Variants in SPECC1 observed in about 807,000 individuals in gnomAD.
SPECC1 encodes the protein cytospin-B.
A neutral mutation model predicts 104.1 loss-of-function variants in SPECC1; 62 were observed. That is an observed-to-expected ratio of 0.60 (90% CI 0.49 to 0.74). SPECC1 has a LOEUF of 0.74. Among genes scored for constraint, SPECC1 ranks in the 30% least tolerant of loss-of-function variants. SPECC1 has a pLI of 0.00. For synonymous variants in SPECC1, 513 were observed against 501.6 expected, an observed-to-expected ratio of 1.02 and a Z score of -0.30; for missense variants, 1,306 against 1,310.5, an observed-to-expected ratio of 1.00 and a Z score of 0.05.
At chr17:20,174,687 T>C (rs2034339297) in intron 3 of SPECC1, among the ~76,000 whole-genome samples, 1 of 152,074 alleles carries the variant, frequency 6.6e-6, no homozygotes, top group Admixed American at 6.5e-5. Context: ...TTCATTTCCT[T>C]TATACATCTC....
chr17:20,199,192 T>G (rs1043551711), intron 3 of SPECC1, among the ~76,000 whole-genome samples: 1 of 148,450 alleles, frequency 6.7e-6, no homozygotes, highest in African/African-American at 2.5e-5. Flanking sequence ...GTTCAAGCAA[T>G]TCTCCTGCCT....
intron 1 of SPECC1, among the ~76,000 whole-genome samples, chr17:20,063,962 C>T (rs1313996763): frequency 6.6e-6 from 1 of 152,100 alleles, no homozygotes; most frequent in Admixed American, 6.6e-5. Flanking sequence ...GGCCTCAGGG[C>T]AGTTCGGTTT....
chr17:20,217,090 T>C (rs796318099), intron 4 of SPECC1, among the ~76,000 whole-genome samples: 3 of 152,208 alleles, frequency 2.0e-5, no homozygotes, highest in African/African-American at 7.2e-5. Context: ...CGTGGAAGGG[T>C]AGGCTTTGGT....
chr17:20,169,074 T>G (rs766470486), intron 3 of SPECC1, among the ~76,000 whole-genome samples: 2 of 152,210 alleles, frequency 1.3e-5, no homozygotes, highest in Non-Finnish European at 2.9e-5. Context: ...GGTTTCACTA[T>G]GTTGCCCAGG....
chr17:20,120,957 G>C (rs2048998090), intron 3 of SPECC1, among the ~76,000 whole-genome samples: 1 of 152,170 alleles, frequency 6.6e-6, no homozygotes, highest in Non-Finnish European at 1.5e-5. Flanking sequence ...TATTGGAACT[G>C]CTTGAATGGG....
At chr17:20,269,632 C>G (rs936060723) in intron 12 of SPECC1, among the ~76,000 whole-genome samples, 1 of 152,182 alleles carries the variant, frequency 6.6e-6, no homozygotes, top group Admixed American at 6.5e-5. Context: ...CTTCGGCCTC[C>G]CAAAGTGCTG....
At chr17:20,048,344 A>G (rs971713151) in intron 1 of SPECC1, among the ~76,000 whole-genome samples, 1 of 151,984 alleles carries the variant, frequency 6.6e-6, no homozygotes, top group Admixed American at 6.6e-5. Context: ...TGTGTTAGCC[A>G]GTATGGTCTC....
chr17:20,120,367 C>G (rs538689387), intron 3 of SPECC1, among the ~76,000 whole-genome samples: 33 of 151,816 alleles, frequency 2.2e-4, no homozygotes, highest in African/African-American at 7.3e-4. Flanking sequence ...GCCTGGGCAA[C>G]ACAGTGAGAC....
At chr17:20,184,679 A>C (rs2035139322) in intron 3 of SPECC1, among the ~76,000 whole-genome samples, 1 of 152,242 alleles carries the variant, frequency 6.6e-6, no homozygotes, top group African/African-American at 2.4e-5. Flanking sequence ...ACAAGTCAGT[A>C]TATGTAAAGT....
At chr17:20,157,226 C>T (rs754729137) in intron 3 of SPECC1, among the ~76,000 whole-genome samples, 12 of 152,106 alleles carry the variant, frequency 7.9e-5, no homozygotes, top group Non-Finnish European at 1.6e-4. Context: ...CCCACCTTGG[C>T]CCTATCCTCG....
At chr17:20,036,131 C>T (rs7210076) in intron 1 of SPECC1, among the ~76,000 whole-genome samples, 10,484 of 151,576 alleles carry the variant, frequency 0.069, 986 homozygotes, top group African/African-American at 0.21. Context: ...TAAGAAAAGT[C>T]ATGCTTTATT....
intron 1 of SPECC1, among the ~76,000 whole-genome samples, chr17:20,019,494 C>T (rs774273939): frequency 2.0e-5 from 3 of 152,044 alleles, no homozygotes; most frequent in Non-Finnish European, 2.9e-5. Context: ...TGCTCAGCAG[C>T]CTTGAGAGGG....
At chr17:20,035,375 A>C (rs1356818622) in intron 1 of SPECC1, among the ~76,000 whole-genome samples, 4 of 152,136 alleles carry the variant, frequency 2.6e-5, no homozygotes, top group African/African-American at 9.7e-5. Flanking sequence ...AATTTGGATA[A>C]AATTGGCATC....
intron 1 of SPECC1, among the ~76,000 whole-genome samples, chr17:20,013,754 T>C (rs2044022249): frequency 6.7e-6 from 1 of 150,154 alleles, no homozygotes; most frequent in Admixed American, 6.6e-5. Context: ...CTGCCTGCCT[T>C]ACCCGCCCAA....
intron 3 of SPECC1, among the ~76,000 whole-genome samples, chr17:20,146,384 T>C (rs947897636): frequency 6.6e-6 from 1 of 152,236 alleles, no homozygotes; most frequent in African/African-American, 2.4e-5. Context: ...TTTTGTGTCT[T>C]GATCATTTCT....
At chr17:20,137,555 T>TA (rs1195845633) in intron 3 of SPECC1, among the ~76,000 whole-genome samples, 2 of 152,206 alleles carry the variant, frequency 1.3e-5, no homozygotes, top group African/African-American at 2.4e-5. Context: ...AAAACAAACT[T>TA]AAAAAAATCC....
At chr17:20,245,757 A>G (rs965833937) in intron 7 of SPECC1, among the ~76,000 whole-genome samples, 169 bp from the exon 8 acceptor site, 1 of 152,220 alleles carries the variant, frequency 6.6e-6, no homozygotes, top group African/African-American at 2.4e-5. Flanking sequence ...AGCAATGCCT[A>G]CATTATTTCC....
intron 12 of SPECC1, among the ~76,000 whole-genome samples, chr17:20,274,541 A>C (rs2040513200): frequency 6.8e-6 from 1 of 148,054 alleles, no homozygotes; most frequent in Admixed American, 6.7e-5. Flanking sequence ...GTAGTCTCAA[A>C]AAAGTCTCGG....
intron 4 of SPECC1, among the ~76,000 whole-genome samples, chr17:20,215,912 C>T (rs1040084638): frequency 1.3e-5 from 2 of 152,128 alleles, no homozygotes; most frequent in Non-Finnish European, 2.9e-5. Context: ...GTTCATCACA[C>T]TAAAGAAAGC....
Sources: allele counts gnomAD v4.1 joint callset (sites outside exome capture counted in the v4.1 genomes callset), GRCh38; gene constraint gnomAD v4.1.1; transcripts MANE v1.5; gene names NCBI Gene and HGNC (gene_info 2026-07-23, HGNC 2026-07-21).